Variants in PTPRD observed in about 807,000 individuals in gnomAD.
PTPRD encodes receptor-type tyrosine-protein phosphatase delta.
PTPRD carries 34 observed loss-of-function variants against 214.5 expected under a neutral mutation model. The observed-to-expected ratio is 0.16, with a 90% confidence interval of 0.12 to 0.21. The LOEUF (loss-of-function observed/expected upper bound fraction) is 0.21, where lower values mean the gene tolerates loss of function less well. Among genes scored for constraint, PTPRD ranks in the 10% least tolerant of loss-of-function variants. PTPRD has a pLI of 1.00. For synonymous variants in PTPRD, 1,128 were observed against 845.7 expected (o/e 1.33, Z -5.79); for missense variants, 2,545 against 2,398.7 (o/e 1.06, Z -1.27).
intron 3 of PTPRD, among the ~76,000 whole-genome samples, chr9:10,275,820 T>C (rs896677632): frequency 1.3e-5 from 2 of 152,082 alleles, no homozygotes; most frequent in African/African-American, 2.4e-5. Context: ...GCCTCAGAAA[T>C]ACATTTGTGA....
intron 12 of PTPRD, among the ~76,000 whole-genome samples, chr9:8,733,548 A>G (rs886150118): frequency 6.6e-6 from 1 of 152,212 alleles, no homozygotes; most frequent in Non-Finnish European, 1.5e-5. Context: ...ATAAATAAAC[A>G]GGAGGAGCAG....
chr9:8,418,004 T>C (rs1174010415), intron 35 of PTPRD, among the ~76,000 whole-genome samples: 2 of 152,172 alleles, frequency 1.3e-5, no homozygotes, highest in Admixed American at 6.6e-5. Flanking sequence ...TTGCTTCCTG[T>C]ACTGATTTAA....
chr9:9,857,119 T>C (rs1395747767), intron 5 of PTPRD, among the ~76,000 whole-genome samples: 1 of 152,176 alleles, frequency 6.6e-6, no homozygotes, highest in Non-Finnish European at 1.5e-5. Context: ...TTGTGGAAAC[T>C]GTACTTAGTT....
intron 33 of PTPRD, among the ~76,000 whole-genome samples, chr9:8,455,600 C>G (rs939178232): frequency 6.6e-6 from 1 of 152,100 alleles, no homozygotes; most frequent in African/African-American, 2.4e-5. Flanking sequence ...TTCAATCCAT[C>G]TCTTTTCAAA....
chr9:8,980,692 T>C (rs562740319), intron 11 of PTPRD, among the ~76,000 whole-genome samples: 11 of 152,102 alleles, frequency 7.2e-5, no homozygotes, highest in Non-Finnish European at 1.5e-4. Context: ...AGGAAGAGAC[T>C]GAACAATGTG....
rs541756903 is a variant in PTPRD, at chr9:9,155,477, C to T, written c.-143+27827G>A. On this transcript the variant is annotated intron_variant, in intron 10 of 45. Coordinates refer to ENST00000381196, the MANE Select transcript of PTPRD (RefSeq NM_002839.4). ...AAGTCTCTAGCCTACAAAGGTGGCACATATTGGTAACCAGAATTATAAGAT... is the reference window on the plus strand; with the variant it reads ...AAGTCTCTAGCCTACAAAGGTGGCATATATTGGTAACCAGAATTATAAGAT... Among the ~76,000 whole-genome samples the T allele has an allele frequency of 4.6e-5, 7 of 152,170 alleles. No homozygotes were observed. The South Asian group carries it at 1.0e-3, about 23-fold the overall frequency.
At chr9:10,165,080 T>C (rs2099151149) in intron 3 of PTPRD, among the ~76,000 whole-genome samples, 1 of 151,572 alleles carries the variant, frequency 6.6e-6, no homozygotes, top group Admixed American at 6.6e-5. Flanking sequence ...ACTAAAGAAA[T>C]TCTCAGGGCC....
chr9:10,186,095 T>C (rs1394445874), intron 3 of PTPRD, among the ~76,000 whole-genome samples: 1 of 151,972 alleles, frequency 6.6e-6, no homozygotes, highest in Admixed American at 6.6e-5. Flanking sequence ...ATATTTTTTT[T>C]TTTTATTGAG....
chr9:10,381,469 G>C (rs1396598434), intron 2 of PTPRD, among the ~76,000 whole-genome samples: 1 of 151,980 alleles, frequency 6.6e-6, no homozygotes, highest in Non-Finnish European at 1.5e-5. Context: ...AGTGAAATGG[G>C]TCAAACAGAT....
intron 11 of PTPRD, among the ~76,000 whole-genome samples, chr9:8,817,575 G>A (rs1285236582): frequency 2.0e-5 from 3 of 152,048 alleles, no homozygotes; most frequent in African/African-American, 4.8e-5. Context: ...AGAATGCAGT[G>A]AGCTGTGATC....
chr9:8,767,548 T>A (rs1228769629), intron 11 of PTPRD, among the ~76,000 whole-genome samples: 1 of 152,148 alleles, frequency 6.6e-6, no homozygotes, highest in Non-Finnish European at 1.5e-5. Flanking sequence ...AATATCTGAG[T>A]GACTATCAGT....
chr9:10,469,898 G>T (rs1381503863), intron 2 of PTPRD, among the ~76,000 whole-genome samples: 1 of 151,564 alleles, frequency 6.6e-6, no homozygotes, highest in Non-Finnish European at 1.5e-5. Flanking sequence ...AAATAACCCA[G>T]GCATTGAAAG....
At chr9:9,892,283 C>T (rs1191059416) in intron 5 of PTPRD, among the ~76,000 whole-genome samples, 1 of 151,964 alleles carries the variant, frequency 6.6e-6, no homozygotes, top group African/African-American at 2.4e-5. Context: ...TAGAGATTAC[C>T]TTTGAACAGA....
At chr9:10,260,302 A>G (rs1313013022) in intron 3 of PTPRD, among the ~76,000 whole-genome samples, 1 of 152,160 alleles carries the variant, frequency 6.6e-6, no homozygotes, top group Non-Finnish European at 1.5e-5. Flanking sequence ...GCCCAAGAAA[A>G]CACAGAGATA....
chr9:9,755,483 A>G (rs1029591398), intron 6 of PTPRD, among the ~76,000 whole-genome samples: 1 of 152,064 alleles, frequency 6.6e-6, no homozygotes, highest in Non-Finnish European at 1.5e-5. Context: ...TTTCTTCCTC[A>G]GGCCTTTGGA....
chr9:10,055,819 A>T (rs1298114134), intron 3 of PTPRD, among the ~76,000 whole-genome samples: 1 of 151,588 alleles, frequency 6.6e-6, no homozygotes, highest in Non-Finnish European at 1.5e-5. Flanking sequence ...TATAATGTAT[A>T]ATGTATACAT....
At chr9:10,220,194 T>C (rs1000500200) in intron 3 of PTPRD, among the ~76,000 whole-genome samples, 1 of 151,868 alleles carries the variant, frequency 6.6e-6, no homozygotes, top group Non-Finnish European at 1.5e-5. Flanking sequence ...AATAATAAAT[T>C]GCAGTATAAC....
intron 11 of PTPRD, among the ~76,000 whole-genome samples, chr9:8,758,974 C>G (rs1345342784): frequency 1.3e-5 from 2 of 151,620 alleles, no homozygotes; most frequent in South Asian, 4.2e-4. Context: ...CGTGAGCCAC[C>G]GCACCTGGCC....
At chr9:9,718,708 G>A (rs1348566055) in intron 7 of PTPRD, among the ~76,000 whole-genome samples, 1 of 152,228 alleles carries the variant, frequency 6.6e-6, no homozygotes, top group African/African-American at 2.4e-5. Context: ...TTGTGACCTG[G>A]TCAGGTGTGC....
Sources: gnomAD v4.1 joint callset for allele counts (sites outside exome capture counted in the v4.1 genomes callset) on GRCh38, gnomAD v4.1.1 for gene constraint, MANE v1.5 for transcripts, NCBI Gene and HGNC (gene_info 2026-07-23, HGNC 2026-07-21) for gene names.